Variants in BMP6 observed in about 807,000 individuals in gnomAD.
BMP6 encodes the protein VG-1-R.
A neutral mutation model predicts 54.1 loss-of-function variants in BMP6; 17 were observed. The observed-to-expected ratio is 0.31, with a 90% CI of 0.22 to 0.47. The LOEUF (loss-of-function observed/expected upper bound fraction) is 0.47, where lower values mean the gene tolerates loss of function less well. Ranked by LOEUF, BMP6 falls within the 20% of genes least tolerant of loss-of-function variation. The pLI, the probability that BMP6 is intolerant of heterozygous loss-of-function variation, is 1.00. For missense variants in BMP6, 720 were observed against 690.4 expected (o/e 1.04, Z -0.48); for synonymous variants, 328 against 291.2 (o/e 1.13, Z -1.28).
At chr6:7,831,073 G>A (rs1758786305) in intron 1 of BMP6, among the ~76,000 whole-genome samples, 1 of 152,194 alleles carries the variant, frequency 6.6e-6, no homozygotes, top group African/African-American at 2.4e-5. Context: ...TGGATGAATG[G>A]ATAAACAAAA....
chr6:7,837,993 A>C (rs773291115), intron 1 of BMP6, among the ~76,000 whole-genome samples: 1 of 152,136 alleles, frequency 6.6e-6, no homozygotes. Context: ...TTCAGGAAGT[A>C]TATTACTTCT....
intron 1 of BMP6, among the ~76,000 whole-genome samples, chr6:7,779,583 GC>G (rs1205490417): frequency 1.1e-3 from 162 of 152,216 alleles, no homozygotes; most frequent in Admixed American, 3.7e-3. Flanking sequence ...CAAGTGATCT[GC>G]CTGCCTCGGC....
chr6:7,857,424 T>C (rs1759258702), intron 2 of BMP6, among the ~76,000 whole-genome samples: 2 of 152,328 alleles, frequency 1.3e-5, no homozygotes, highest in Admixed American at 6.5e-5. Flanking sequence ...TCTGAGTTAG[T>C]TGAGAACAAA....
At chr6:7,743,707 T>C (rs1205345809) in intron 1 of BMP6, among the ~76,000 whole-genome samples, 1 of 152,196 alleles carries the variant, frequency 6.6e-6, no homozygotes, top group Non-Finnish European at 1.5e-5. Context: ...ACCCCAGAGA[T>C]GACCGGGGTA....
chr6:7,780,837 A>G lies in BMP6; in HGVS notation c.664+53218A>G, dbSNP rs531142772. 4.6e-5 allele frequency among the ~76,000 whole-genome samples: 7 copies of G among 151,750 alleles called. No homozygotes were observed. The South Asian group carries it at 1.3e-3, about 27-fold the overall frequency. On this transcript the variant is annotated intron_variant, in intron 1 of 6. Coordinates refer to ENST00000283147, the MANE Select transcript of BMP6 (RefSeq NM_001718.6). ...GCCATCCTCCCCGTTCAGCCTCCCAAGTAGCTGGGACTACAGGCACCCCCT... is the reference window on the plus strand; with the variant it reads ...GCCATCCTCCCCGTTCAGCCTCCCAGGTAGCTGGGACTACAGGCACCCCCT...
At chr6:7,822,602 GC>G (rs1758627979) in intron 1 of BMP6, among the ~76,000 whole-genome samples, 1 of 152,018 alleles carries the variant, frequency 6.6e-6, no homozygotes, top group African/African-American at 2.4e-5. Flanking sequence ...CCTCCCTCAA[GC>G]CCACCCTGGC....
chr6:7,793,453 CATT>C (rs1345915049), intron 1 of BMP6, among the ~76,000 whole-genome samples: 1 of 152,110 alleles, frequency 6.6e-6, no homozygotes, highest in Non-Finnish European at 1.5e-5. Context: ...AGATGCATGT[CATT>C]ATACGGTTGC....
intron 1 of BMP6, among the ~76,000 whole-genome samples, chr6:7,825,806 ACCCCT>A (rs1758688911): frequency 6.6e-6 from 1 of 151,966 alleles, no homozygotes; most frequent in African/African-American, 2.4e-5. Context: ...TGAAGTACAC[ACCCCT>A]TCTTCCAACC....
intron 1 of BMP6, among the ~76,000 whole-genome samples, chr6:7,728,422 A>G (rs1342492609): frequency 6.6e-6 from 1 of 152,200 alleles, no homozygotes; most frequent in African/African-American, 2.4e-5. Context: ...GTTGCCAGGC[A>G]ACAGAATGGA....
chr6:7,805,228 C>T (rs967266846), intron 1 of BMP6, among the ~76,000 whole-genome samples: 1 of 152,176 alleles, frequency 6.6e-6, no homozygotes, highest in Non-Finnish European at 1.5e-5. Flanking sequence ...GTTGGTTGCT[C>T]ATCTTTCATC....
Position 7,788,050 on chromosome 6 carries a change from T to G in BMP6, c.665-57090T>G, listed in dbSNP as rs1402293791. Reference sequence around the variant, plus strand: ...CACCACATGTAATAAATGTGACCCTTTAGAGATATTAGAAACTGATGATGA... The same window carrying G: ...CACCACATGTAATAAATGTGACCCTGTAGAGATATTAGAAACTGATGATGA... On this transcript the variant is annotated intron_variant, in intron 1 of 6. Transcript: ENST00000283147. Among the ~76,000 whole-genome samples the G allele has an allele frequency of 2.0e-5, 3 of 152,206 alleles. No homozygotes were observed. In the East Asian group the frequency reaches 5.8e-4, roughly 29 times the overall value.
At chr6:7,805,366 C>T (rs978631575) in intron 1 of BMP6, among the ~76,000 whole-genome samples, 1 of 152,188 alleles carries the variant, frequency 6.6e-6, no homozygotes, top group African/African-American at 2.4e-5. Context: ...AGATCTGTAT[C>T]TATTCAACAC....
intron 1 of BMP6, among the ~76,000 whole-genome samples, chr6:7,775,210 G>A (rs540050671): frequency 2.8e-4 from 43 of 152,154 alleles, no homozygotes; most frequent in Non-Finnish European, 6.0e-4. Context: ...GGAATACAAT[G>A]GAAATTAAGA....
chr6:7,835,043 G>A (rs1436049158), intron 1 of BMP6, among the ~76,000 whole-genome samples: 1 of 152,182 alleles, frequency 6.6e-6, no homozygotes, highest in Non-Finnish European at 1.5e-5. Context: ...ACAAAACACT[G>A]TAGCAAATGC....
chr6:7,803,677 C>A (rs1166423473), intron 1 of BMP6, among the ~76,000 whole-genome samples: 1 of 152,148 alleles, frequency 6.6e-6, no homozygotes, highest in African/African-American at 2.4e-5. Context: ...GATGTGATCG[C>A]CCTTCTCTGC....
In BMP6 at chr6:7,726,719, T is replaced by C. The variant is rs573508222; in HGVS notation, c.-237T>C. 3.4e-3 allele frequency: 609 copies of C among 181,416 alleles called. 6 individuals are homozygous for C. The highest frequency in any genetic ancestry group is 0.013 in the African/African-American group (562 of 42,130). 11.2% of individuals were successfully genotyped at this position (181,416 alleles called of 1,614,324 possible). ...CCTGCGCGAGGCTGTGAGGCTCCCC[T>C]TCCTCCCCTCCAAGCGGTTCTCCTG... On this transcript the variant is annotated 5_prime_UTR_variant, in exon 1 of 7. Coordinates refer to ENST00000283147, the MANE Select transcript of BMP6 (RefSeq NM_001718.6).
Position 7,845,341 on chromosome 6 carries a change from G to C in BMP6, c.857+9G>C, listed in dbSNP as rs773010908. 35 of 1,604,302 alleles carry C rather than the reference G, an allele frequency of 2.2e-5. No individual in the cohort carries two copies. The highest frequency in any genetic ancestry group is 1.4e-4 in the Admixed American group (8 of 59,058). On this transcript the variant is annotated intron_variant, in intron 2 of 6. Transcript: ENST00000283147. ...CAGGAGCATCAGCACAGGTATGAAG[G>C]CTCGAGAAAGCCCCAAAGGTGGGGC...
chr6:7,772,418 T>C (rs555154032), intron 1 of BMP6, among the ~76,000 whole-genome samples: 46 of 152,300 alleles, frequency 3.0e-4, no homozygotes, highest in African/African-American at 1.1e-3. Context: ...TTATTTATGA[T>C]GAAATTATAA....
intron 1 of BMP6, among the ~76,000 whole-genome samples, chr6:7,836,650 T>TA (rs1758881612): frequency 6.6e-6 from 1 of 152,208 alleles, no homozygotes; most frequent in African/African-American, 2.4e-5. Context: ...AAATAAAGTT[T>TA]AAAAATGTCA....
Sources: gnomAD v4.1 joint callset for allele counts (sites outside exome capture counted in the v4.1 genomes callset) on GRCh38, gnomAD v4.1.1 for gene constraint, MANE v1.5 for transcripts, NCBI Gene and HGNC (gene_info 2026-07-23, HGNC 2026-07-21) for gene names.